The following GRM5 variants were observed in gnomAD, a reference collection of about 807,000 sequenced individuals.
GRM5 encodes glutamate metabotropic receptor 5.
In GRM5, 19 loss-of-function variants were observed where a neutral mutation model predicts 83.1. The ratio of observed to expected loss-of-function variants is 0.23; its 90% CI spans 0.16 to 0.34. The LOEUF is 0.34. GRM5 is among the 10% of genes least tolerant of loss of function. GRM5 has a pLI of 1.00. For missense variants in GRM5, 1,160 were observed against 1,588.3 expected, an observed-to-expected ratio of 0.73 and a Z score of 4.58; for synonymous variants, 675 against 633.6, an observed-to-expected ratio of 1.07 and a Z score of -0.98.
chr11:88,651,072 C>G (rs1397415313), intron 4 of GRM5, among the ~76,000 whole-genome samples: 1 of 151,836 alleles, frequency 6.6e-6, no homozygotes, highest in African/African-American at 2.4e-5. Flanking sequence ...AGATTCTGAG[C>G]AGAGATCACA....
At chr11:89,023,645 A>G (rs1487686793) in intron 2 of GRM5, among the ~76,000 whole-genome samples, 3 of 151,656 alleles carry the variant, frequency 2.0e-5, no homozygotes, top group East Asian at 2.0e-4. Context: ...GGAGTTCAAT[A>G]CCAGCCTGGC....
chr11:88,637,251 A>C (rs766183964), intron 4 of GRM5, among the ~76,000 whole-genome samples: 171 of 152,058 alleles, frequency 1.1e-3, no homozygotes, highest in Non-Finnish European at 2.0e-3. Flanking sequence ...TGGGCAATGA[A>C]TTCATGTCCA....
At chr11:88,544,057 TCTCA>T (rs1233424479) in intron 8 of GRM5, among the ~76,000 whole-genome samples, 1 of 151,898 alleles carries the variant, frequency 6.6e-6, no homozygotes, top group Non-Finnish European at 1.5e-5. Flanking sequence ...TCCCATTTGC[TCTCA>T]CTCTCTCTCT....
At position 88,522,588 on chromosome 11, in the gene GRM5, G is replaced by GCTCT. The variant is rs1171853966; in HGVS notation, c.2726+2717_2726+2720dup. The stretch of plus-strand genomic sequence containing the variant: ...TCTCTCTTCTCTCTCTCTCTCTCTC[G>GCTCT]CTCTCTCTCTCTCTCTGTGTGTGTG... On this transcript the variant is annotated intron_variant, in intron 9 of 9. Coordinates refer to ENST00000305447, the MANE Select transcript of GRM5 (RefSeq NM_001143831.3). Among the ~76,000 whole-genome samples the GCTCT allele has an allele frequency of 9.0e-4, 121 of 134,426 alleles. 1 individual carries two copies. The highest frequency in any genetic ancestry group is 1.4e-3 in the Non-Finnish European group (91 of 63,456). 88.2% of individuals were successfully genotyped at this position (134,426 alleles called of 152,430 possible). A position where few individuals can be genotyped will look rare whatever the true frequency, so the allele number is the denominator to read the frequency against.
chr11:88,608,418 C>G (rs1441602994), intron 4 of GRM5, among the ~76,000 whole-genome samples: 1 of 151,990 alleles, frequency 6.6e-6, no homozygotes, highest in African/African-American at 2.4e-5. Flanking sequence ...TTTCACTTTA[C>G]CAACACCTAA....
At chr11:88,785,623 A>G (rs1943054643) in intron 3 of GRM5, among the ~76,000 whole-genome samples, 1 of 152,110 alleles carries the variant, frequency 6.6e-6, no homozygotes, top group Non-Finnish European at 1.5e-5. Flanking sequence ...GAGACACAAC[A>G]TCATGCAGTC....
At chr11:88,978,178 T>C (rs1391718582) in intron 2 of GRM5, among the ~76,000 whole-genome samples, 1 of 152,180 alleles carries the variant, frequency 6.6e-6, no homozygotes, top group East Asian at 1.9e-4. Context: ...AATGTTGTAT[T>C]GTACATTTAA....
At chr11:88,833,712 A>T (rs1283979637) in intron 3 of GRM5, among the ~76,000 whole-genome samples, 1 of 152,224 alleles carries the variant, frequency 6.6e-6, no homozygotes, top group Non-Finnish European at 1.5e-5. Context: ...ATATGAAATA[A>T]ATCTAAGTAT....
At chr11:88,720,472 G>A (rs1447623357) in intron 3 of GRM5, among the ~76,000 whole-genome samples, 1 of 151,972 alleles carries the variant, frequency 6.6e-6, no homozygotes, top group South Asian at 2.1e-4. Flanking sequence ...CTGCGAGCCA[G>A]CCTTTTACCT....
At position 88,508,835 on chromosome 11, in the gene GRM5, C is replaced by T. The variant is rs781504231; in HGVS notation, c.3396G>A (p.Gly1132=). 3.9e-6 allele frequency: 6 copies of T among 1,546,188 alleles called. No individual in the cohort carries two copies. The highest frequency in any genetic ancestry group is 5.2e-6 in the Non-Finnish European group (6 of 1,146,740). ...EVTGGAQPAA[G]AQAAGDAARE... ...GGGCCGCGTCCCCAGCCGCCTGCGCCCCTGCCGCGGGCTGCGCGCCTCCCG... is the reference window on the plus strand; with the variant it reads ...GGGCCGCGTCCCCAGCCGCCTGCGCTCCTGCCGCGGGCTGCGCGCCTCCCG... Residue 1132 remains glycine (G), a synonymous_variant, in exon 10 of 10, where the codon GGG becomes GGA. Coordinates refer to ENST00000305447, the MANE Select transcript of GRM5 (RefSeq NM_001143831.3). The surrounding 1 kb of genome is among the most constrained non-coding windows in gnomAD (Gnocchi z 4.2).
At chr11:88,576,770 A>G (rs1252634186) in intron 7 of GRM5, among the ~76,000 whole-genome samples, 1 of 152,178 alleles carries the variant, frequency 6.6e-6, no homozygotes, top group Non-Finnish European at 1.5e-5. Flanking sequence ...TTGTTTTTGT[A>G]TTTTATTGAA....
At chr11:88,542,186 C>A (rs1942283209) in intron 8 of GRM5, among the ~76,000 whole-genome samples, 1 of 152,102 alleles carries the variant, frequency 6.6e-6, no homozygotes, top group Non-Finnish European at 1.5e-5. Flanking sequence ...TTATTATCCC[C>A]CTTTCACCGA....
At chr11:88,554,552 G>A (rs2135151778) in intron 8 of GRM5, among the ~76,000 whole-genome samples, 1 of 152,146 alleles carries the variant, frequency 6.6e-6, no homozygotes, top group Non-Finnish European at 1.5e-5. Flanking sequence ...GTTTAATTTA[G>A]CTTTTGTTTT....
intron 4 of GRM5, among the ~76,000 whole-genome samples, chr11:88,651,501 C>A (rs1939630375): frequency 6.6e-6 from 1 of 152,014 alleles, no homozygotes. Context: ...ATCCCCAAAT[C>A]TCAAGAGAGA....
chr11:88,863,916 G>C (rs546440413), intron 2 of GRM5, among the ~76,000 whole-genome samples: 1 of 151,502 alleles, frequency 6.6e-6, no homozygotes, highest in African/African-American at 2.4e-5. Flanking sequence ...GTTACTCCAT[G>C]ACTTTGAAGG....
chr11:88,638,572 T>C (rs1323575397), intron 4 of GRM5, among the ~76,000 whole-genome samples: 1 of 152,118 alleles, frequency 6.6e-6, no homozygotes, highest in Non-Finnish European at 1.5e-5. Flanking sequence ...CTGTTTTTCC[T>C]TAAATGTTTG....
At chr11:88,995,014 T>C (rs1940131974) in intron 2 of GRM5, among the ~76,000 whole-genome samples, 2 of 152,158 alleles carry the variant, frequency 1.3e-5, no homozygotes. Flanking sequence ...ACCCTGGAGA[T>C]AAAGAAATGA....
chr11:88,998,003 T>G (rs1187979880), intron 2 of GRM5, among the ~76,000 whole-genome samples: 1 of 147,060 alleles, frequency 6.8e-6, no homozygotes, highest in Non-Finnish European at 1.5e-5. Flanking sequence ...TTCCCTGGTA[T>G]GAAAACTAAT....
At chr11:88,939,971 A>C (rs1165317295) in intron 2 of GRM5, among the ~76,000 whole-genome samples, 1 of 151,892 alleles carries the variant, frequency 6.6e-6, no homozygotes, top group African/African-American at 2.4e-5. Context: ...TGAAGAGTGA[A>C]GAATTCAGTA....
Sources: allele counts gnomAD v4.1 joint callset (sites outside exome capture counted in the v4.1 genomes callset), GRCh38; gene constraint gnomAD v4.1.1; non-coding constraint Gnocchi (gnomAD v3.1); transcripts MANE v1.5; gene names NCBI Gene and HGNC (gene_info 2026-07-23, HGNC 2026-07-21).